The following PLXNA4 variants were observed in gnomAD, a reference collection of about 807,000 sequenced individuals.
The protein encoded by PLXNA4 is plexin A4.
Under a neutral mutation model 191.8 loss-of-function variants are expected in PLXNA4, and 44 were observed. That is an observed-to-expected ratio of 0.23 (90% CI 0.18 to 0.29). PLXNA4 has a LOEUF of 0.29. Ranked by LOEUF, PLXNA4 falls within the 10% of genes least tolerant of loss-of-function variation. The pLI, the probability that PLXNA4 is intolerant of heterozygous loss-of-function variation, is 1.00. For synonymous variants in PLXNA4, 1,082 were observed against 1,009.5 expected, an observed-to-expected ratio of 1.07 and a Z score of -1.36; for missense variants, 1,800 against 2,488.8, an observed-to-expected ratio of 0.72 and a Z score of 5.89.
chr7:132,576,385 C>G lies in PLXNA4; in HGVS notation c.-87+37G>C. ...TGTCCGACCTTGCTGCCCTCGCCGCCCGCCCGGCCCCACTCCCCGGCGGGC... is the reference window on the plus strand; with the variant it reads ...TGTCCGACCTTGCTGCCCTCGCCGCGCGCCCGGCCCCACTCCCCGGCGGGC... On this transcript the variant is annotated intron_variant, in intron 1 of 31. Transcript: ENST00000321063. The surrounding 1 kb of genome is among the most constrained non-coding windows in gnomAD (Gnocchi z 5.8). The G allele has an allele frequency of 1.0e-6, 1 of 985,820 alleles. No homozygotes were observed. Among genetic ancestry groups the G allele is most frequent in the Non-Finnish European group, 1.2e-6 (1 of 829,984 alleles). The allele number at this position is 985,820 out of a possible 1,614,324, so 61.1% of individuals were successfully genotyped here. A position where few individuals can be genotyped will look rare whatever the true frequency, so the allele number is the denominator to read the frequency against.
rs184654910 is a variant in PLXNA4 at position 132,260,347 on chromosome 7, C to T, written c.1504-19181G>A. Among the ~76,000 whole-genome samples, 33 of 152,222 alleles carry T rather than the reference C, an allele frequency of 2.2e-4. No individual in the cohort carries two copies. The East Asian group carries it at 4.8e-3, about 22-fold the overall frequency. On this transcript the variant is annotated intron_variant, in intron 4 of 31. Transcript: ENST00000321063. Reference sequence around the variant, plus strand: ...ACTCATAATAAAGAATGAGATCATGCTTTTTACAGCCACGTGGATGCAACT... The same window carrying T: ...ACTCATAATAAAGAATGAGATCATGTTTTTTACAGCCACGTGGATGCAACT...
chr7:132,381,054 T>G (rs561734269), intron 3 of PLXNA4, among the ~76,000 whole-genome samples: 1 of 152,380 alleles, frequency 6.6e-6, no homozygotes, highest in African/African-American at 2.4e-5. Flanking sequence ...GGTAATTTTA[T>G]CTACCATGGA....
At chr7:132,273,413 A>G (rs1364038372) in intron 4 of PLXNA4, among the ~76,000 whole-genome samples, 1 of 152,118 alleles carries the variant, frequency 6.6e-6, no homozygotes, top group Non-Finnish European at 1.5e-5. Flanking sequence ...ATTATAGGCT[A>G]TCTCAACCTT....
chr7:132,476,741 CTTTA>C (rs1322469689), intron 3 of PLXNA4, among the ~76,000 whole-genome samples: 3 of 152,148 alleles, frequency 2.0e-5, no homozygotes, highest in Non-Finnish European at 4.4e-5. Context: ...AATTTGGAAA[CTTTA>C]TTTAATTATA....
At chr7:132,644,014 A>C (rs965458179) in intron 2 of PLXNA4, among the ~76,000 whole-genome samples, 5 of 152,198 alleles carry the variant, frequency 3.3e-5, no homozygotes, top group Admixed American at 3.3e-4. Flanking sequence ...AATAAGTATT[A>C]TTTTGTGAAA....
At chr7:132,307,725 G>A (rs924512085) in intron 3 of PLXNA4, among the ~76,000 whole-genome samples, 1 of 152,168 alleles carries the variant, frequency 6.6e-6, no homozygotes, top group African/African-American at 2.4e-5. Flanking sequence ...CTCAGGGCTT[G>A]GAAGGTGGGC....
intron 3 of PLXNA4, among the ~76,000 whole-genome samples, chr7:132,479,747 T>C (rs1797267377): frequency 6.6e-6 from 1 of 152,148 alleles, no homozygotes; most frequent in Admixed American, 6.5e-5. Context: ...CCTCCTGGGT[T>C]CAAGCGATTC....
At chr7:132,487,962 T>G (rs1797627950) in intron 3 of PLXNA4, among the ~76,000 whole-genome samples, 1 of 152,244 alleles carries the variant, frequency 6.6e-6, no homozygotes, top group South Asian at 2.1e-4. Context: ...TAAAAATGTG[T>G]ACACAATGAT....
intron 1 of PLXNA4, among the ~76,000 whole-genome samples, chr7:132,547,005 C>A (rs112786984): frequency 2.6e-5 from 4 of 152,110 alleles, no homozygotes; most frequent in Non-Finnish European, 2.9e-5. Flanking sequence ...TTACAAGTGG[C>A]CTGAAAAATA....
chr7:132,174,192 T>C (rs1244596729), intron 21 of PLXNA4, among the ~76,000 whole-genome samples: 1 of 152,172 alleles, frequency 6.6e-6, no homozygotes. Context: ...CCAAAGCCCT[T>C]TCAGGACAAA....
At chr7:132,398,883 A>C (rs963317355) in intron 3 of PLXNA4, among the ~76,000 whole-genome samples, 1 of 152,146 alleles carries the variant, frequency 6.6e-6, no homozygotes, top group Non-Finnish European at 1.5e-5. Flanking sequence ...TGTTGTCATC[A>C]AGTGGCATCT....
Position 132,168,575 on chromosome 7 carries a change from G to T in PLXNA4, c.4018-3C>A. The T allele has an allele frequency of 6.4e-7, 1 of 1,572,584 alleles. No individual in the cohort carries two copies. ...CGCTCCTGCCGGTAGCCCGGGACCTGCAGAGAGACCTAGGAGTCGTGATGC... is the reference window on the plus strand; with the variant it reads ...CGCTCCTGCCGGTAGCCCGGGACCTTCAGAGAGACCTAGGAGTCGTGATGC... On this transcript the variant is annotated splice_polypyrimidine_tract_variant and splice_region_variant and intron_variant, in intron 21 of 31. Coordinates refer to ENST00000321063, the MANE Select transcript of PLXNA4 (RefSeq NM_020911.2).
intron 1 of PLXNA4, among the ~76,000 whole-genome samples, chr7:132,543,739 A>C (rs1197312681): frequency 1.3e-5 from 2 of 152,254 alleles, no homozygotes; most frequent in Non-Finnish European, 2.9e-5. Flanking sequence ...ATGGGGAGCC[A>C]TTGAAGATTC....
chr7:132,429,781 C>T (rs277476), intron 3 of PLXNA4, among the ~76,000 whole-genome samples: 3,322 of 152,256 alleles, frequency 0.022, 63 homozygotes, highest in African/African-American at 0.059. Flanking sequence ...TCCATAAACC[C>T]AGCATGGTAT....
intron 5 of PLXNA4, among the ~76,000 whole-genome samples, chr7:132,239,751 C>T (rs1486081413): frequency 6.6e-6 from 1 of 152,214 alleles, no homozygotes; most frequent in African/African-American, 2.4e-5. Flanking sequence ...AGCATGCAAC[C>T]TTTCTATACA....
chr7:132,430,649 TGC>T (rs1795224463), intron 3 of PLXNA4, among the ~76,000 whole-genome samples: 1 of 152,224 alleles, frequency 6.6e-6, no homozygotes, highest in African/African-American at 2.4e-5. Flanking sequence ...GCAGTCTTCA[TGC>T]CTCTTGAGGA....
intron 1 of PLXNA4, among the ~76,000 whole-genome samples, chr7:132,533,433 G>A (rs532895764): frequency 2.6e-5 from 4 of 152,200 alleles, no homozygotes; most frequent in African/African-American, 4.8e-5. Context: ...CTGTTCAAAG[G>A]GTTCCCTGGA....
In PLXNA4 at chr7:132,375,288, C is replaced by T. The variant is rs1026021447; in HGVS notation, c.1372-77066G>A. Among the ~76,000 whole-genome samples, 9 of 152,226 alleles carry T rather than the reference C, an allele frequency of 5.9e-5. No homozygotes were observed. The South Asian group carries it at 6.2e-4, about 11-fold the overall frequency. On this transcript the variant is annotated intron_variant, in intron 3 of 31. Coordinates refer to ENST00000321063, the MANE Select transcript of PLXNA4 (RefSeq NM_020911.2). ...TTCCCCTTAACTCCATCCCGCCCCCCCCCACGCCCCAGCCCTCAAAACAAT... is the reference window on the plus strand; with the variant it reads ...TTCCCCTTAACTCCATCCCGCCCCCTCCCACGCCCCAGCCCTCAAAACAAT...
At chr7:132,299,343 C>T (rs1036279723) in intron 3 of PLXNA4, among the ~76,000 whole-genome samples, 2 of 152,102 alleles carry the variant, frequency 1.3e-5, no homozygotes, top group African/African-American at 4.8e-5. Flanking sequence ...TAATTTTTAA[C>T]CTCTCACAAG....
Sources: gnomAD v4.1 joint callset for allele counts (sites outside exome capture counted in the v4.1 genomes callset) on GRCh38, gnomAD v4.1.1 for gene constraint, Gnocchi (gnomAD v3.1) non-coding constraint, MANE v1.5 for transcripts, NCBI Gene and HGNC (gene_info 2026-07-23, HGNC 2026-07-21) for gene names.